ABR: variants seen among roughly 807,000 people sequenced by gnomAD.
ABR encodes ABR activator of RhoGEF and GTPase.
A neutral mutation model predicts 107.2 loss-of-function variants in ABR; 35 were observed. The observed-to-expected ratio is 0.33, with a 90% confidence interval of 0.25 to 0.43. The LOEUF is 0.43. Among genes scored for constraint, ABR ranks in the 20% least tolerant of loss-of-function variants. ABR has a pLI of 1.00. For synonymous variants in ABR, 498 were observed against 462.0 expected, an observed-to-expected ratio of 1.08 and a Z score of -1.00; for missense variants, 815 against 1,115.2, an observed-to-expected ratio of 0.73 and a Z score of 3.83.
rs776319409 is a variant in ABR, at chr17:1,100,664, G to A, written c.318C>T (p.Tyr106=). ...GCAACAGGGCTTCCAGCTGGTTAATGTAGATCTCTTCGCTGGCCAAGAACC... is the reference window on the plus strand; with the variant it reads ...GCAACAGGGCTTCCAGCTGGTTAATATAGATCTCTTCGCTGGCCAAGAACC... ...LSGFLASEEI[Y]INQLEALLLP... Residue 106 remains tyrosine (Y), a synonymous_variant, in exon 3 of 23, where the codon TAC becomes TAT. Coordinates refer to ENST00000302538, the MANE Select transcript of ABR (RefSeq NM_021962.5). 1.9e-6 allele frequency: 3 copies of A among 1,614,066 alleles called. No individual in the cohort carries two copies. The highest frequency in any genetic ancestry group is 2.7e-5 in the African/African-American group (2 of 74,940).
chr17:1,106,370 G>C (rs1052561534), intron 2 of ABR, among the ~76,000 whole-genome samples: 32 of 152,000 alleles, frequency 2.1e-4, no homozygotes, highest in Admixed American at 2.1e-3. Context: ...GGTGTGCCAA[G>C]AACCTCTGCA....
intron 18 of ABR, 115 bp downstream of exon 18, chr17:1,012,573 G>T (rs546622015): frequency 2.6e-6 from 2 of 780,192 alleles, no homozygotes; most frequent in East Asian, 5.4e-5. Context: ...ACCGCCGAGC[G>T]GGGGGTAACT....
At chr17:1,097,415 A>C (rs1237110348) in intron 3 of ABR, among the ~76,000 whole-genome samples, 1 of 152,022 alleles carries the variant, frequency 6.6e-6, no homozygotes, top group Non-Finnish European at 1.5e-5. Context: ...ACATGGTGAA[A>C]TCTCATCTCT....
chr17:1,088,468 T>C (rs1017676233), intron 4 of ABR, among the ~76,000 whole-genome samples: 4 of 145,924 alleles, frequency 2.7e-5, no homozygotes, highest in African/African-American at 9.9e-5. Context: ...ATAATAATAA[T>C]AATAATAATA....
chr17:1,116,558 A>G (rs1371195135), intron 2 of ABR, among the ~76,000 whole-genome samples: 2 of 152,182 alleles, frequency 1.3e-5, no homozygotes, highest in Admixed American at 1.3e-4. Context: ...AACAGTATGC[A>G]GAGGTGAGCA....
intron 7 of ABR, among the ~76,000 whole-genome samples, 166 bp downstream of exon 7, chr17:1,073,459 A>G (rs62067902): frequency 0.12 from 18,207 of 152,034 alleles, 1,174 homozygotes; most frequent in Non-Finnish European, 0.14. Flanking sequence ...TTCAGGCCCT[A>G]GCCTGGCGGC....
At chr17:1,138,191 A>C (rs1295046731) in intron 1 of ABR, among the ~76,000 whole-genome samples, 1 of 151,918 alleles carries the variant, frequency 6.6e-6, no homozygotes, top group Non-Finnish European at 1.5e-5. Flanking sequence ...GGTGTGACCC[A>C]CCACGTCCAG....
intron 16 of ABR, among the ~76,000 whole-genome samples, chr17:1,035,849 A>G (rs1248215091): frequency 6.6e-6 from 1 of 150,642 alleles, no homozygotes. Flanking sequence ...GGGACCCCGC[A>G]TTACACCTAG....
At chr17:1,193,900 T>C (rs1023979001) in intron 1 of ABR, among the ~76,000 whole-genome samples, 1 of 151,930 alleles carries the variant, frequency 6.6e-6, no homozygotes, top group Non-Finnish European at 1.5e-5. Context: ...TTCACCGTGT[T>C]AGCCAGGATG....
At chr17:1,115,009 C>T (rs939753374) in intron 2 of ABR, among the ~76,000 whole-genome samples, 4 of 152,186 alleles carry the variant, frequency 2.6e-5, no homozygotes, top group African/African-American at 9.7e-5. Flanking sequence ...AATTCTAGCA[C>T]GGAGTTGGTC....
chr17:1,161,950 C>T (rs1350471927), intron 1 of ABR, among the ~76,000 whole-genome samples: 1 of 152,196 alleles, frequency 6.6e-6, no homozygotes, highest in Non-Finnish European at 1.5e-5. Context: ...CACCCATTCC[C>T]CTGGGAGCCC....
upstream of ABR, among the ~76,000 whole-genome samples, chr17:1,180,502 A>AG (rs2042100478): frequency 6.6e-6 from 1 of 151,476 alleles, no homozygotes; most frequent in Admixed American, 6.6e-5. Context: ...CCACACATGG[A>AG]GGGGGGCGGG....
At chr17:1,031,794 GT>G in intron 16 of ABR, 1 of 1,229,834 alleles carries the variant, frequency 8.1e-7, no homozygotes, top group Non-Finnish European at 1.0e-6. Context: ...GGAGCGCTCA[GT>G]CCCGGCTGCC....
intron 2 of ABR, among the ~76,000 whole-genome samples, chr17:1,101,829 GTTCACGCCA>G (rs994143461): frequency 2.7e-4 from 41 of 151,746 alleles, no homozygotes; most frequent in African/African-American, 7.7e-4. Flanking sequence ...CGCCTCCCGG[GTTCACGCCA>G]TTCTCCTGCC....
chr17:1,090,408 T>G, intron 4 of ABR, among the ~76,000 whole-genome samples: 1 of 149,724 alleles, frequency 6.7e-6, no homozygotes. Flanking sequence ...GGGTGGGAGG[T>G]GAGTGGGCCT....
In ABR at chr17:1,050,718, A is replaced by G. The variant is rs2032386240; in HGVS notation, c.1562-84T>C. 6 of 1,084,476 alleles carry G rather than the reference A, an allele frequency of 5.5e-6. No homozygotes were observed. Among genetic ancestry groups the G allele is most frequent in the Admixed American group, 1.8e-5 (1 of 56,514 alleles). The allele number at this position is 1,084,476 out of a possible 1,614,324, so 67.2% of individuals were successfully genotyped here. A position where few individuals can be genotyped will look rare whatever the true frequency, so the allele number is the denominator to read the frequency against. ...GGCGGCACTCAGGATGGAGGGGGACATCGCATCTGTCCTTTCCAACGTCCC... is the reference window on the plus strand; with the variant it reads ...GGCGGCACTCAGGATGGAGGGGGACGTCGCATCTGTCCTTTCCAACGTCCC... On this transcript the variant is annotated intron_variant, in intron 14 of 22. Coordinates refer to ENST00000302538, the MANE Select transcript of ABR (RefSeq NM_021962.5). The surrounding 1 kb of genome is among the most constrained non-coding windows in gnomAD (Gnocchi z 4.6).
chr17:1,190,197 T>C (rs12450095), upstream of ABR, among the ~76,000 whole-genome samples: 86,954 of 152,084 alleles, frequency 0.57, 27,904 homozygotes, highest in Middle Eastern at 0.77. Context: ...CAGCAGCCAG[T>C]ATTGGAGGCT....
At chr17:1,195,210 G>C (rs1318754847) in intron 1 of ABR, among the ~76,000 whole-genome samples, 4 of 148,204 alleles carry the variant, frequency 2.7e-5, no homozygotes, top group Non-Finnish European at 6.0e-5. Flanking sequence ...GGGAGGCTGA[G>C]GCAGGAGAAT....
At chr17:1,115,067 G>A (rs1157236116) in intron 2 of ABR, among the ~76,000 whole-genome samples, 3 of 152,168 alleles carry the variant, frequency 2.0e-5, no homozygotes, top group African/African-American at 7.2e-5. Context: ...GGTCACACAA[G>A]GCCTTGACAG....
Sources: gnomAD v4.1 joint callset for allele counts (sites outside exome capture counted in the v4.1 genomes callset) on GRCh38, gnomAD v4.1.1 for gene constraint, Gnocchi (gnomAD v3.1) non-coding constraint, MANE v1.5 for transcripts, NCBI Gene and HGNC (gene_info 2026-07-23, HGNC 2026-07-21) for gene names.